Variants in MYO5C observed in about 807,000 individuals in gnomAD.
MYO5C encodes the protein unconventional myosin-Vc.
MYO5C carries 194 observed loss-of-function variants against 235.7 expected under a neutral mutation model. The observed-to-expected ratio is 0.82, with a 90% CI of 0.73 to 0.93. MYO5C has a LOEUF of 0.93. MYO5C is among the 40% of genes least tolerant of loss of function. MYO5C has a pLI of 0.00. For synonymous variants in MYO5C, 707 were observed against 754.8 expected, an observed-to-expected ratio of 0.94 and a Z score of 1.04; for missense variants, 2,038 against 2,127.2, an observed-to-expected ratio of 0.96 and a Z score of 0.82.
chr15:52,289,251 T>A (rs779726401), intron 1 of MYO5C, among the ~76,000 whole-genome samples: 1 of 151,526 alleles, frequency 6.6e-6, no homozygotes, highest in African/African-American at 2.4e-5. Context: ...AGGCTGTTTC[T>A]GGAGAGTTCC....
intron 22 of MYO5C, 64 bp from the exon 23 acceptor site, chr15:52,235,827 C>T: frequency 9.9e-7 from 1 of 1,010,328 alleles, no homozygotes; most frequent in Non-Finnish European, 1.5e-6. Context: ...GTCACCATTG[C>T]CTTTCTTCAC....
chr15:52,238,640 C>CT (rs1379090627), intron 21 of MYO5C, among the ~76,000 whole-genome samples: 2 of 152,240 alleles, frequency 1.3e-5, no homozygotes, highest in East Asian at 3.9e-4. Context: ...CTTTTCTTTT[C>CT]TTTTTTGCCT....
At chr15:52,257,615 T>C (rs2036611366) in intron 10 of MYO5C, among the ~76,000 whole-genome samples, 1 of 152,150 alleles carries the variant, frequency 6.6e-6, no homozygotes, top group Non-Finnish European at 1.5e-5. Flanking sequence ...TTTTAAGGTG[T>C]CAGCATTTAT....
At position 52,224,744 on chromosome 15, in the gene MYO5C, A is replaced by G. The variant is rs577142695; in HGVS notation, c.3446+157T>C. Among the ~76,000 whole-genome samples the G allele has an allele frequency of 5.0e-3, 761 of 152,308 alleles. 4 individuals are homozygous for G. The highest frequency in any genetic ancestry group is 8.1e-3 in the South Asian group (39 of 4,820). On this transcript the variant is annotated intron_variant, in intron 28 of 40. Coordinates refer to ENST00000261839, the MANE Select transcript of MYO5C (RefSeq NM_018728.4). ...AGAGATTGCTCTTCATGAATAAGCT[A>G]CTTACTTACTTCTCAGAGAAATATT... is the stretch of plus-strand genomic sequence containing the variant.
At chr15:52,264,575 T>C (rs114437036) in intron 8 of MYO5C, among the ~76,000 whole-genome samples, 93 of 152,358 alleles carry the variant, frequency 6.1e-4, no homozygotes, top group African/African-American at 2.2e-3. Flanking sequence ...ATTAGGTTCC[T>C]CGGAGAGTCA....
At chr15:52,277,212 C>G (rs143424118) in intron 4 of MYO5C, 1 of 530,882 alleles carries the variant, frequency 1.9e-6, no homozygotes, top group East Asian at 5.5e-5. Context: ...TAGCATCAAA[C>G]AAGGCCAACA....
intron 38 of MYO5C, among the ~76,000 whole-genome samples, chr15:52,201,637 T>C (rs989674718): frequency 6.6e-6 from 1 of 152,146 alleles, no homozygotes; most frequent in African/African-American, 2.4e-5. Context: ...CCTGGTTGAG[T>C]ATAATAGACT....
chr15:52,218,747 C>T, intron 31 of MYO5C, 60 bp from the exon 32 acceptor site: 2 of 1,558,202 alleles, frequency 1.3e-6, no homozygotes, highest in Non-Finnish European at 1.8e-6. Context: ...AAGTCACTCA[C>T]TGTCATAGCA....
Position 52,219,814 on chromosome 15 carries a change from C to G in MYO5C, c.3730G>C (p.Glu1244Gln), listed in dbSNP as rs368583247. 153 of 1,610,954 alleles carry G rather than the reference C, an allele frequency of 9.5e-5. No homozygotes were observed. The highest frequency in any genetic ancestry group is 1.2e-4 in the Non-Finnish European group (145 of 1,178,046). ...CGATGTAACTGATTAGACAATTCTT[C>G]TAGTTTTCCTATAATGAGAAGAACT... ...EQAEKMKGKLEELSNQLHRSQ... is the reference protein window; with the variant it reads ...EQAEKMKGKLQELSNQLHRSQ... The change falls in exon 31 of 41, where the codon GAA (glutamate) becomes CAA (glutamine). Residue 1244 changes from glutamate to glutamine, a missense_variant. Physicochemically the swap from Glu to Gln is conservative, Grantham distance 29 (BLOSUM62 2). Transcript: ENST00000261839.
At chr15:52,210,553 A>G (rs2035423456) in intron 35 of MYO5C, among the ~76,000 whole-genome samples, 1 of 152,172 alleles carries the variant, frequency 6.6e-6, no homozygotes, top group Admixed American at 6.6e-5. Context: ...AGGTTTTTGT[A>G]CTAACTCCAC....
chr15:52,240,004 G>C (rs2036177034), intron 20 of MYO5C, 125 bp from the exon 21 acceptor site: 1 of 966,128 alleles, frequency 1.0e-6, no homozygotes, highest in African/African-American at 1.6e-5. Context: ...AACCTGCACA[G>C]CCGTATTACA....
intron 6 of MYO5C, 143 bp from the exon 7 acceptor site, chr15:52,271,987 C>A (rs2036935297): frequency 4.4e-6 from 2 of 456,132 alleles, no homozygotes; most frequent in Non-Finnish European, 7.6e-6. Flanking sequence ...CACAAGCAGG[C>A]CCTTCCTCTC....
rs1181937099 is a variant in MYO5C at position 52,242,445 on chromosome 15, T to C, written c.2391-232A>G. On this transcript the variant is annotated intron_variant, in intron 19 of 40. Transcript: ENST00000261839. ...CACTCTTTTCATTCAGGCCAGTCGATTCACCTCCACTCAGGTACCCACAGA... is the reference window on the plus strand; with the variant it reads ...CACTCTTTTCATTCAGGCCAGTCGACTCACCTCCACTCAGGTACCCACAGA... 49 of 488,614 alleles carry C rather than the reference T, an allele frequency of 1.0e-4. 1 individual carries two copies. Among genetic ancestry groups the C allele is most frequent in the Admixed American group, 6.8e-4 (18 of 26,628 alleles). 30.3% of individuals were successfully genotyped at this position (488,614 alleles called of 1,614,324 possible).
At chr15:52,233,788 C>T (rs1397374638) in intron 23 of MYO5C, among the ~76,000 whole-genome samples, 1 of 152,246 alleles carries the variant, frequency 6.6e-6, no homozygotes, top group Non-Finnish European at 1.5e-5. Flanking sequence ...AATGGCAGTG[C>T]AGCCCCTCAA....
At chr15:52,265,600 G>A (rs1596210251) in intron 8 of MYO5C, among the ~76,000 whole-genome samples, 1 of 151,306 alleles carries the variant, frequency 6.6e-6, no homozygotes, top group South Asian at 2.1e-4. Flanking sequence ...GAGCAGTGGT[G>A]TGATCATGGC....
At chr15:52,268,349 G>A (rs1456712448) in intron 8 of MYO5C, among the ~76,000 whole-genome samples, 1 of 152,178 alleles carries the variant, frequency 6.6e-6, no homozygotes, top group African/African-American at 2.4e-5. Flanking sequence ...CAGATCACGA[G>A]GTCAGGAGAT....
chr15:52,275,793 T>A (rs1228379660), intron 4 of MYO5C, 75 bp from the exon 5 acceptor site: 16 of 1,404,314 alleles, frequency 1.1e-5, no homozygotes, highest in Non-Finnish European at 1.6e-5. Flanking sequence ...AAGACAAATG[T>A]GGACAAGACA....
chr15:52,266,033 T>C (rs1241229849), intron 8 of MYO5C, among the ~76,000 whole-genome samples: 2 of 152,178 alleles, frequency 1.3e-5, no homozygotes, highest in Non-Finnish European at 2.9e-5. Context: ...TAAGTGATCA[T>C]GAGCAGCAAC....
intron 7 of MYO5C, 48 bp downstream of exon 7, chr15:52,271,715 A>C (rs2140844595): frequency 9.3e-7 from 1 of 1,072,210 alleles, no homozygotes; most frequent in East Asian, 2.6e-5. Flanking sequence ...CCTAGAATTT[A>C]AGCCCTCCAT....
Sources: allele counts gnomAD v4.1 joint callset (sites outside exome capture counted in the v4.1 genomes callset), GRCh38; gene constraint gnomAD v4.1.1; transcripts MANE v1.5; gene names NCBI Gene and HGNC (gene_info 2026-07-23, HGNC 2026-07-21).